DCC: variants seen among roughly 807,000 people sequenced by gnomAD.
DCC encodes the protein netrin receptor DCC.
A neutral mutation model predicts 172.5 loss-of-function variants in DCC; 58 were observed. That is an observed-to-expected ratio of 0.34 (90% CI 0.27 to 0.42). The LOEUF is 0.42. Among genes scored for constraint, DCC ranks in the 10% least tolerant of loss-of-function variants. The pLI is 1.00. For missense variants in DCC, 1,740 were observed against 1,791.0 expected, an observed-to-expected ratio of 0.97 and a Z score of 0.51; for synonymous variants, 709 against 644.5, an observed-to-expected ratio of 1.10 and a Z score of -1.52.
At chr18:53,088,740 C>T (rs993082028) in intron 7 of DCC, among the ~76,000 whole-genome samples, 7 of 152,084 alleles carry the variant, frequency 4.6e-5, no homozygotes, top group Non-Finnish European at 1.0e-4. Flanking sequence ...TTTTCTTAAA[C>T]CATTGCTACC....
At chr18:52,912,672 T>A (rs2039987710) in intron 3 of DCC, among the ~76,000 whole-genome samples, 1 of 152,036 alleles carries the variant, frequency 6.6e-6, no homozygotes, top group Non-Finnish European at 1.5e-5. Context: ...TAAATAAGCT[T>A]GATAGTGTTT....
chr18:53,192,004 C>G (rs186187563), intron 9 of DCC, among the ~76,000 whole-genome samples: 1 of 152,214 alleles, frequency 6.6e-6, no homozygotes, highest in African/African-American at 2.4e-5. Context: ...TATCTCTGAA[C>G]AAGCCCAAAC....
chr18:52,458,351 A>G (rs1988522376), intron 1 of DCC, among the ~76,000 whole-genome samples: 1 of 152,060 alleles, frequency 6.6e-6, no homozygotes, highest in Admixed American at 6.6e-5. Context: ...TTATTTCAGG[A>G]GACTCATTGT....
chr18:53,379,061 C>G (rs1015670879), intron 15 of DCC, among the ~76,000 whole-genome samples: 6 of 152,236 alleles, frequency 3.9e-5, no homozygotes, highest in Admixed American at 3.3e-4. Flanking sequence ...TCTCCACCCA[C>G]TACATTTAAT....
At position 52,491,082 on chromosome 18, in the gene DCC, A is replaced by G. The variant is rs143239078; in HGVS notation, c.91+150204A>G. On this transcript the variant is annotated intron_variant, in intron 1 of 28. Transcript: ENST00000442544. ...TCTTCACTCTTATATGGAGCCTTCC[A>G]TCAAAGGCTTTCAAGATGTTTTCAG... 2.1e-3 allele frequency among the ~76,000 whole-genome samples: 318 copies of G among 152,204 alleles called. 1 individual carries two copies. The highest frequency in any genetic ancestry group is 6.8e-3 in the African/African-American group (284 of 41,548).
intron 12 of DCC, among the ~76,000 whole-genome samples, chr18:53,290,873 T>A (rs556857691): frequency 6.6e-6 from 1 of 152,222 alleles, no homozygotes; most frequent in East Asian, 1.9e-4. Context: ...TTTATTAATT[T>A]AAAAAAATGT....
At chr18:52,469,893 A>G (rs567265640) in intron 1 of DCC, among the ~76,000 whole-genome samples, 9 of 152,248 alleles carry the variant, frequency 5.9e-5, no homozygotes, top group African/African-American at 2.2e-4. Flanking sequence ...GAGGAAGGAG[A>G]GCATACAGAT....
intron 1 of DCC, among the ~76,000 whole-genome samples, chr18:52,391,536 T>G (rs1199070596): frequency 2.6e-5 from 4 of 152,130 alleles, no homozygotes; most frequent in African/African-American, 9.7e-5. Context: ...CTTTTCTTTC[T>G]GAGATGAAGA....
intron 1 of DCC, among the ~76,000 whole-genome samples, chr18:52,673,652 T>C (rs2035595702): frequency 6.6e-6 from 1 of 152,004 alleles, no homozygotes; most frequent in Admixed American, 6.6e-5. Context: ...AAGAGGGGAG[T>C]AAATAAGGCC....
intron 2 of DCC, among the ~76,000 whole-genome samples, chr18:52,772,437 G>A (rs2145168344): frequency 6.6e-6 from 1 of 152,258 alleles, no homozygotes; most frequent in East Asian, 1.9e-4. Flanking sequence ...TTGTATTAGA[G>A]TTTTAATAAG....
chr18:53,144,994 T>C (rs2043884322), intron 7 of DCC, among the ~76,000 whole-genome samples: 1 of 151,994 alleles, frequency 6.6e-6, no homozygotes, highest in South Asian at 2.1e-4. Flanking sequence ...CAGTGTGCTA[T>C]ATGGTCTGAG....
intron 1 of DCC, among the ~76,000 whole-genome samples, chr18:52,643,182 C>T (rs910726933): frequency 3.9e-5 from 6 of 152,148 alleles, no homozygotes; most frequent in African/African-American, 1.4e-4. Context: ...GACATAGTCT[C>T]AGTGTTTGGT....
intron 1 of DCC, among the ~76,000 whole-genome samples, chr18:52,403,151 C>T (rs564371554): frequency 2.6e-5 from 4 of 152,016 alleles, no homozygotes; most frequent in Admixed American, 6.6e-5. Context: ...AAAGCTTTGC[C>T]TATAGTAAAG....
At chr18:52,666,085 A>C (rs946216933) in intron 1 of DCC, among the ~76,000 whole-genome samples, 1 of 152,168 alleles carries the variant, frequency 6.6e-6, no homozygotes, top group Non-Finnish European at 1.5e-5. Flanking sequence ...TCAGGAGTTC[A>C]AGACCAGCCT....
chr18:52,695,077 T>C (rs923692228), intron 1 of DCC, among the ~76,000 whole-genome samples: 5 of 152,180 alleles, frequency 3.3e-5, no homozygotes, highest in African/African-American at 4.8e-5. Context: ...AGCTGTAAAG[T>C]TGGGTAAAGC....
chr18:52,544,010 C>T (rs1598901719), intron 1 of DCC, among the ~76,000 whole-genome samples: 1 of 152,284 alleles, frequency 6.6e-6, no homozygotes. Flanking sequence ...AACTCATGAA[C>T]ACTTTGAAAT....
At chr18:52,663,283 A>T (rs546291345) in intron 1 of DCC, among the ~76,000 whole-genome samples, 1 of 152,348 alleles carries the variant, frequency 6.6e-6, no homozygotes, top group Admixed American at 6.5e-5. Flanking sequence ...ATGGGAAAGA[A>T]CCAATAAAGA....
At chr18:53,351,293 A>ATATATATATG (rs1568074409) in intron 15 of DCC, among the ~76,000 whole-genome samples, 196 of 7,540 alleles carry the variant, frequency 0.026, 3 homozygotes, top group Middle Eastern at 0.12. Context: ...TGAGTACAGT[A>ATATATATATG]TATATATATA....
chr18:52,625,925 C>A (rs546058497), intron 1 of DCC, among the ~76,000 whole-genome samples: 2 of 152,146 alleles, frequency 1.3e-5, no homozygotes, highest in Non-Finnish European at 2.9e-5. Context: ...AACTCATCAG[C>A]GGCTCCTGTT....
Sources: allele counts gnomAD v4.1 joint callset (sites outside exome capture counted in the v4.1 genomes callset), GRCh38; gene constraint gnomAD v4.1.1; transcripts MANE v1.5; gene names NCBI Gene and HGNC (gene_info 2026-07-23, HGNC 2026-07-21).